The following DDX31 variants were observed in gnomAD, a reference collection of about 807,000 sequenced individuals.
The protein encoded by DDX31 is DEAD-box helicase 31, also known as ATP-dependent DNA helicase DDX31.
DDX31 carries 70 observed loss-of-function variants against 91.3 expected under a neutral mutation model. That is an observed-to-expected ratio of 0.77 (90% CI 0.63 to 0.94). DDX31 has a LOEUF of 0.94. Among genes scored for constraint, DDX31 ranks in the 40% least tolerant of loss-of-function variants. The pLI is 0.00. For missense variants in DDX31, 902 were observed against 925.0 expected (o/e 0.98, Z 0.32); for synonymous variants, 362 against 350.6 (o/e 1.03, Z -0.36).
At position 132,593,972 on chromosome 9, in the gene DDX31, C is replaced by G. The variant is rs1178985524; in HGVS notation, c.*894G>C. 2 of 147,526 alleles carry G rather than the reference C, an allele frequency of 1.4e-5. No homozygotes were observed. The highest frequency in any genetic ancestry group is 2.5e-5 in the African/African-American group (1 of 39,690). 9.1% of individuals were successfully genotyped at this position (147,526 alleles called of 1,614,324 possible). A position where few individuals can be genotyped will look rare whatever the true frequency, so the allele number is the denominator to read the frequency against. The stretch of plus-strand genomic sequence containing the variant: ...TTACATTTATTGGGAAATCAATATG[C>G]TCCAGGGGGCCTCTTTCAAACCTCC... On this transcript the variant is annotated 3_prime_UTR_variant, in exon 20 of 20. Transcript: ENST00000372159.
intron 18 of DDX31, among the ~76,000 whole-genome samples, chr9:132,616,009 A>G (rs2119341579): frequency 6.6e-6 from 1 of 152,380 alleles, no homozygotes; most frequent in East Asian, 1.9e-4. Context: ...GGGAATTTGC[A>G]TATGCAGATT....
chr9:132,660,058 G>A (rs919720946), intron 4 of DDX31, among the ~76,000 whole-genome samples: 6 of 152,230 alleles, frequency 3.9e-5, no homozygotes, highest in African/African-American at 7.2e-5. Context: ...ACAGGCAGCC[G>A]ACTGCAGTGG....
At chr9:132,598,796 G>A (rs181520524) in intron 19 of DDX31, among the ~76,000 whole-genome samples, 1 of 152,270 alleles carries the variant, frequency 6.6e-6, no homozygotes, top group African/African-American at 2.4e-5. Context: ...GGTCATGTTT[G>A]GGAAAGTCTT....
chr9:132,668,261 C>T (rs1049211542), intron 1 of DDX31, among the ~76,000 whole-genome samples: 1 of 152,184 alleles, frequency 6.6e-6, no homozygotes, highest in African/African-American at 2.4e-5. Context: ...TTTTCAGTTA[C>T]TGCTTAAGTT....
At chr9:132,614,497 T>C (rs750180178) in intron 18 of DDX31, among the ~76,000 whole-genome samples, 1 of 152,086 alleles carries the variant, frequency 6.6e-6, no homozygotes, top group African/African-American at 2.4e-5. Flanking sequence ...ACACTCACTC[T>C]GGTCTCAAAA....
intron 18 of DDX31, 127 bp from the exon 19 acceptor site, chr9:132,612,382 C>A: frequency 4.0e-6 from 4 of 1,000,844 alleles, no homozygotes; most frequent in Non-Finnish European, 1.5e-6. Context: ...AGGACAATTA[C>A]AACATATACA....
intron 19 of DDX31, among the ~76,000 whole-genome samples, chr9:132,600,606 G>C (rs926086547): frequency 6.6e-6 from 1 of 152,068 alleles, no homozygotes; most frequent in Non-Finnish European, 1.5e-5. Flanking sequence ...GGAAAGAGGA[G>C]AGATCATATT....
intron 13 of DDX31, among the ~76,000 whole-genome samples, chr9:132,644,484 A>T (rs931445713): frequency 6.6e-6 from 1 of 152,192 alleles, no homozygotes. Flanking sequence ...CACAGCCAGC[A>T]AGTGACAGCC....
At chr9:132,634,585 GTTTTTT>G (rs59296842) in intron 14 of DDX31, among the ~76,000 whole-genome samples, 10 of 103,078 alleles carry the variant, frequency 9.7e-5, no homozygotes, top group African/African-American at 3.0e-4. Flanking sequence ...TACCTAAGAT[GTTTTTT>G]TTTTTTTTTT....
Position 132,595,032 on chromosome 9 carries a change from G to A in DDX31, c.2075C>T (p.Ala692Val). 1 of 1,614,240 alleles carries A rather than the reference G, an allele frequency of 6.2e-7. No homozygotes were observed. Among genetic ancestry groups the A allele is most frequent in the Non-Finnish European group, 8.5e-7 (1 of 1,180,056 alleles). Residue 692 changes from alanine to valine, a missense_variant, in exon 20 of 20, where the codon GCC (alanine) becomes GTC (valine). Transcript: ENST00000372159. The surrounding 1 kb of genome is among the most constrained non-coding windows in gnomAD (Gnocchi z 4.6). ...TTGCTTTTTGACCTTGGCGATGTCG[G>A]CCTCCATGCCGCTTGAGTATTCCGA... ...LRSEYSSGME[A>V]DIAKVKKQNA...
chr9:132,645,743 C>G (rs1833787646), intron 13 of DDX31, 152 bp downstream of exon 13: 1 of 777,628 alleles, frequency 1.3e-6, no homozygotes, highest in Non-Finnish European at 1.9e-6. Context: ...CAGTGGGTCA[C>G]CCATTTTCGT....
intron 14 of DDX31, among the ~76,000 whole-genome samples, chr9:132,634,583 A>AT (rs1233332621): frequency 8.1e-4 from 84 of 103,842 alleles, no homozygotes; most frequent in African/African-American, 1.9e-3. Context: ...TGTACCTAAG[A>AT]TGTTTTTTTT....
intron 18 of DDX31, among the ~76,000 whole-genome samples, chr9:132,614,778 G>A (rs1831537207): frequency 6.6e-6 from 1 of 152,124 alleles, no homozygotes; most frequent in South Asian, 2.1e-4. Context: ...AGATGTGGCA[G>A]GAAGTGTTTT....
At chr9:132,620,087 C>G (rs1831919445) in intron 17 of DDX31, among the ~76,000 whole-genome samples, 1 of 151,950 alleles carries the variant, frequency 6.6e-6, no homozygotes. Context: ...ACCGAATAAG[C>G]ACAAAAATCC....
intron 14 of DDX31, 78 bp from the exon 15 acceptor site, chr9:132,632,169 ATGCAAACTC>A: frequency 7.3e-7 from 1 of 1,367,504 alleles, no homozygotes; most frequent in East Asian, 2.7e-5. Context: ...TGATAATTTA[ATGCAAACTC>A]TGAGAGTTCA....
rs59296842 is a variant in DDX31 at position 132,634,585 on chromosome 9, GTTTTTTTTTTT to G, written c.1441-2505_1441-2495del. Among the ~76,000 whole-genome samples the G allele has an allele frequency of 2.4e-4, 25 of 103,102 alleles. 1 individual carries two copies. The South Asian group carries it at 8.0e-3, about 33-fold the overall frequency. The allele number at this position is 103,102 out of a possible 152,430, so 67.6% of individuals were successfully genotyped here. A position where few individuals can be genotyped will look rare whatever the true frequency, so the allele number is the denominator to read the frequency against. On this transcript the variant is annotated intron_variant, in intron 14 of 19. Transcript: ENST00000372159. Reference sequence around the variant, plus strand: ...CAAATTCTCCAACTGTACCTAAGATGTTTTTTTTTTTTTTTTTTTTTTTTAAAGATGGGGTC... The same window carrying G: ...CAAATTCTCCAACTGTACCTAAGATGTTTTTTTTTTTTTAAAGATGGGGTC...
rs548283793 is a variant in DDX31, at chr9:132,668,001, G to T, written c.75+1859C>A. On this transcript the variant is annotated intron_variant, in intron 1 of 19. Transcript: ENST00000372159. Reference sequence around the variant, plus strand: ...AGAAAGATTAAGTGACTTGCTCCAAGGTCACAGAGCTAGTGTGCAGCAAGG... The same window carrying T: ...AGAAAGATTAAGTGACTTGCTCCAATGTCACAGAGCTAGTGTGCAGCAAGG... Among the ~76,000 whole-genome samples, 14 of 152,252 alleles carry T rather than the reference G, an allele frequency of 9.2e-5. No individual in the cohort carries two copies. In the South Asian group the frequency reaches 2.9e-3, roughly 32 times the overall value.
intron 6 of DDX31, among the ~76,000 whole-genome samples, chr9:132,654,736 A>G (rs1455260946): frequency 6.6e-6 from 1 of 152,202 alleles, no homozygotes; most frequent in African/African-American, 2.4e-5. Context: ...ACTTGAGGTC[A>G]GAAGTTCAAG....
chr9:132,629,547 T>G (rs1832600801), intron 16 of DDX31, among the ~76,000 whole-genome samples: 1 of 152,242 alleles, frequency 6.6e-6, no homozygotes, highest in African/African-American at 2.4e-5. Flanking sequence ...TGCTAGGATG[T>G]TTTCATTCCA....
Sources: gnomAD v4.1 joint callset for allele counts (sites outside exome capture counted in the v4.1 genomes callset) on GRCh38, gnomAD v4.1.1 for gene constraint, Gnocchi (gnomAD v3.1) non-coding constraint, MANE v1.5 for transcripts, NCBI Gene and HGNC (gene_info 2026-07-23, HGNC 2026-07-21) for gene names.